CD247: variants seen among roughly 807,000 people sequenced by gnomAD.
CD247 encodes CD247 molecule.
In CD247, 13 loss-of-function variants were observed where a neutral mutation model predicts 30.0. That is an observed-to-expected ratio of 0.43 (90% CI 0.28 to 0.69). The LOEUF is 0.69. CD247 is among the 30% of genes least tolerant of loss of function. The probability of loss-of-function intolerance (pLI) is 0.16; values close to 1 mark genes in which losing one functional copy is unlikely to be tolerated. For missense variants in CD247, 193 were observed against 212.6 expected (o/e 0.91, Z 0.57); for synonymous variants, 72 against 80.0 (o/e 0.90, Z 0.53).
intron 1 of CD247, among the ~76,000 whole-genome samples, chr1:167,454,571 T>C (rs1479576515): frequency 1.3e-5 from 2 of 152,272 alleles, no homozygotes; most frequent in Non-Finnish European, 2.9e-5. Context: ...ACCTCAGCTA[T>C]ACAGAACTTT....
intron 1 of CD247, among the ~76,000 whole-genome samples, chr1:167,479,745 G>A (rs183954872): frequency 2.6e-5 from 4 of 152,194 alleles, no homozygotes; most frequent in East Asian, 1.9e-4. Context: ...CTGGACTGCC[G>A]CTGATCCCTG....
Position 167,439,311 on chromosome 1 carries a change from CT to C in CD247, c.219+32del, listed in dbSNP as rs767336102. ...AGGTCCGAGGAGGAGGCTGCCCTTC[CT>C]TTCCGGAGGGTCTACGGCGAGGCTG... On this transcript the variant is annotated intron_variant, in intron 3 of 7. Transcript: ENST00000362089. The C allele has an allele frequency of 3.2e-5, 51 of 1,607,600 alleles. 1 individual carries two copies. The South Asian group carries it at 4.9e-4, about 16-fold the overall frequency.
chr1:167,518,040 G>A (rs1350514501), intron 1 of CD247, among the ~76,000 whole-genome samples: 2 of 152,158 alleles, frequency 1.3e-5, no homozygotes, highest in African/African-American at 4.8e-5. Flanking sequence ...CACGAAACAT[G>A]GCCTGGCTGA....
At chr1:167,504,925 C>T (rs963763037) in intron 1 of CD247, among the ~76,000 whole-genome samples, 1 of 152,142 alleles carries the variant, frequency 6.6e-6, no homozygotes, top group Non-Finnish European at 1.5e-5. Flanking sequence ...TCTGTCGATT[C>T]TACAAAAATC....
At chr1:167,483,417 C>T (rs191756225) in intron 1 of CD247, among the ~76,000 whole-genome samples, 49 of 152,278 alleles carry the variant, frequency 3.2e-4, no homozygotes, top group African/African-American at 1.1e-3. Flanking sequence ...AGCCTCCCTC[C>T]CCCTCCCTAC....
chr1:167,498,540 A>G (rs1654784626), intron 1 of CD247, among the ~76,000 whole-genome samples: 1 of 152,214 alleles, frequency 6.6e-6, no homozygotes, highest in African/African-American at 2.4e-5. Context: ...TCATTTTTGT[A>G]AAATGTACAG....
intron 1 of CD247, among the ~76,000 whole-genome samples, chr1:167,461,540 T>C (rs1449066152): frequency 1.3e-5 from 2 of 152,224 alleles, no homozygotes; most frequent in African/African-American, 4.8e-5. Context: ...TATAAGAATA[T>C]GTAATTTTGA....
At chr1:167,487,291 G>A (rs1190341113) in intron 1 of CD247, among the ~76,000 whole-genome samples, 5 of 150,358 alleles carry the variant, frequency 3.3e-5, no homozygotes, top group Admixed American at 6.6e-5. Flanking sequence ...GCAGAGAATC[G>A]CTTGAATTCG....
intron 1 of CD247, among the ~76,000 whole-genome samples, chr1:167,490,901 A>G (rs965631563): frequency 7.2e-5 from 11 of 151,986 alleles, no homozygotes; most frequent in African/African-American, 2.7e-4. Context: ...TCACACCACT[A>G]CATTCCAGTC....
intron 1 of CD247, among the ~76,000 whole-genome samples, chr1:167,470,985 C>T (rs1440033488): frequency 1.3e-5 from 2 of 151,748 alleles, no homozygotes; most frequent in Non-Finnish European, 2.9e-5. Flanking sequence ...AACTCTCCTG[C>T]CTCAGCTTCC....
chr1:167,435,543 C>T lies in CD247; in HGVS notation c.301-109G>A, dbSNP rs55654152. ...TGACTGCAGTTTCCTGGGGCTCTGC[C>T]GTCTGCCTCTCTCCTCCCTGTGCTA... On this transcript the variant is annotated intron_variant, in intron 4 of 7. Transcript: ENST00000362089. 1.6e-4 allele frequency: 144 copies of T among 879,390 alleles called. 1 individual carries two copies. Among genetic ancestry groups the T allele is most frequent in the Admixed American group, 2.6e-4 (14 of 53,320 alleles). 54.5% of individuals were successfully genotyped at this position (879,390 alleles called of 1,614,324 possible).
intron 1 of CD247, among the ~76,000 whole-genome samples, chr1:167,467,044 T>A (rs941095238): frequency 6.6e-6 from 1 of 152,006 alleles, no homozygotes; most frequent in African/African-American, 2.4e-5. Flanking sequence ...TTTCACGTGT[T>A]AGCCAGGATG....
intron 1 of CD247, among the ~76,000 whole-genome samples, chr1:167,445,874 C>T (rs895148102): frequency 5.3e-5 from 8 of 152,190 alleles, no homozygotes; most frequent in African/African-American, 1.9e-4. Flanking sequence ...TACTCACATC[C>T]AACTAATAAG....
At chr1:167,482,148 G>A (rs984593249) in intron 1 of CD247, among the ~76,000 whole-genome samples, 8 of 152,164 alleles carry the variant, frequency 5.3e-5, no homozygotes, top group Non-Finnish European at 7.3e-5. Context: ...CTGGCCTGAG[G>A]ATGACCATGA....
intron 1 of CD247, among the ~76,000 whole-genome samples, chr1:167,506,905 T>TG (rs1408364033): frequency 1.4e-5 from 2 of 146,608 alleles, no homozygotes; most frequent in Admixed American, 1.4e-4. Flanking sequence ...TTTTTTTTTT[T>TG]TTTTTTTTTG....
intron 1 of CD247, among the ~76,000 whole-genome samples, chr1:167,516,398 A>C (rs1737502): frequency 0.1 from 15,881 of 152,290 alleles, 1,743 homozygotes; most frequent in African/African-American, 0.28. Context: ...TGATCCTAAT[A>C]ATCTGGGCAT....
chr1:167,497,036 G>T (rs548901527), intron 1 of CD247, among the ~76,000 whole-genome samples: 1 of 152,204 alleles, frequency 6.6e-6, no homozygotes, highest in African/African-American at 2.4e-5. Context: ...GCACAGGAAT[G>T]TCCACAGTGA....
chr1:167,476,089 G>GT (rs33930366), intron 1 of CD247, among the ~76,000 whole-genome samples: 45,997 of 152,068 alleles, frequency 0.3, 7,553 homozygotes, highest in East Asian at 0.52. Flanking sequence ...TTTTCTACAT[G>GT]TTGAAACAGG....
rs549663730 is a variant in CD247, at chr1:167,448,729, C to T, written c.59-7962G>A. Among the ~76,000 whole-genome samples the T allele has an allele frequency of 8.3e-4, 127 of 152,186 alleles. 2 individuals carry two copies. Among genetic ancestry groups the T allele is most frequent in the Non-Finnish European group, 4.1e-4 (28 of 67,992 alleles). On this transcript the variant is annotated intron_variant, in intron 1 of 7. Coordinates refer to ENST00000362089, the MANE Select transcript of CD247 (RefSeq NM_198053.3). The stretch of plus-strand genomic sequence containing the variant: ...ACAAAAAATTAGCTAGGTGTGGTGG[C>T]GGGCGCCTGTAATACCAGCTACTCA...
Sources: gnomAD v4.1 joint callset for allele counts (sites outside exome capture counted in the v4.1 genomes callset) on GRCh38, gnomAD v4.1.1 for gene constraint, MANE v1.5 for transcripts, NCBI Gene and HGNC (gene_info 2026-07-23, HGNC 2026-07-21) for gene names.